GPC5: variants seen among roughly 807,000 people sequenced by gnomAD.
The protein encoded by GPC5 is glypican-5.
A neutral mutation model predicts 53.9 loss-of-function variants in GPC5; 47 were observed. The observed-to-expected ratio is 0.87, with a 90% CI of 0.69 to 1.11. GPC5 has a LOEUF of 1.11. Ranked by LOEUF, GPC5 falls within the 50% of genes most tolerant of loss-of-function variation. GPC5 has a pLI of 0.00. For missense variants in GPC5, 748 were observed against 713.1 expected, an observed-to-expected ratio of 1.05 and a Z score of -0.56; for synonymous variants, 286 against 263.3, an observed-to-expected ratio of 1.09 and a Z score of -0.84.
intron 7 of GPC5, among the ~76,000 whole-genome samples, chr13:92,529,586 A>G (rs1441688483): frequency 1.3e-5 from 2 of 152,120 alleles, no homozygotes; most frequent in African/African-American, 2.4e-5. Flanking sequence ...CTGGCAAGTA[A>G]CCTGCTATTT....
chr13:91,595,913 CT>C (rs1173739837), intron 2 of GPC5, among the ~76,000 whole-genome samples: 2 of 152,324 alleles, frequency 1.3e-5, no homozygotes, highest in African/African-American at 4.8e-5. Flanking sequence ...GACTGATTAT[CT>C]ATCTACTATT....
At chr13:92,421,194 G>A (rs931774112) in intron 7 of GPC5, among the ~76,000 whole-genome samples, 1 of 152,094 alleles carries the variant, frequency 6.6e-6, no homozygotes, top group Non-Finnish European at 1.5e-5. Flanking sequence ...TTTTCTAAAT[G>A]TAAGAGACAG....
chr13:92,447,679 T>C (rs912201967), intron 7 of GPC5: 4 of 152,158 alleles, frequency 2.6e-5, no homozygotes, highest in African/African-American at 9.6e-5. Context: ...GTAATTCCAC[T>C]TATTATTACC....
chr13:91,699,369 G>A (rs905420553), intron 3 of GPC5, among the ~76,000 whole-genome samples: 7 of 152,166 alleles, frequency 4.6e-5, no homozygotes, highest in Admixed American at 2.6e-4. Context: ...CCTCATAGAC[G>A]AAGCCCATGG....
At chr13:91,585,748 A>T (rs1002089539) in intron 2 of GPC5, among the ~76,000 whole-genome samples, 1 of 152,132 alleles carries the variant, frequency 6.6e-6, no homozygotes, top group Non-Finnish European at 1.5e-5. Flanking sequence ...TGCTTTTAAA[A>T]ATTAGAATAT....
At chr13:91,625,786 A>G (rs2033983127) in intron 2 of GPC5, among the ~76,000 whole-genome samples, 1 of 152,116 alleles carries the variant, frequency 6.6e-6, no homozygotes, top group Non-Finnish European at 1.5e-5. Flanking sequence ...TCCTTTATAT[A>G]TAGATAAATA....
chr13:91,650,290 T>A (rs774531787), intron 2 of GPC5, among the ~76,000 whole-genome samples: 6 of 152,188 alleles, frequency 3.9e-5, no homozygotes, highest in African/African-American at 2.4e-5. Context: ...CTCACTTGTG[T>A]CCATGTCTCC....
At chr13:91,565,253 G>A (rs2031477625) in intron 2 of GPC5, among the ~76,000 whole-genome samples, 1 of 152,090 alleles carries the variant, frequency 6.6e-6, no homozygotes, top group Non-Finnish European at 1.5e-5. Flanking sequence ...GCCTCCCAAA[G>A]TGTTGGGATT....
intron 7 of GPC5, among the ~76,000 whole-genome samples, chr13:92,385,539 T>TGCATATAC (rs1428614571): frequency 8.1e-6 from 1 of 124,144 alleles, no homozygotes; most frequent in Non-Finnish European, 1.7e-5. Flanking sequence ...TATACATATA[T>TGCATATAC]GCATATATAC....
At chr13:91,777,992 A>G (rs1338117934) in intron 5 of GPC5, among the ~76,000 whole-genome samples, 2 of 152,050 alleles carry the variant, frequency 1.3e-5, no homozygotes, top group Admixed American at 6.6e-5. Context: ...CCCTCACAGC[A>G]CTTCCGGAAG....
At chr13:92,219,870 C>G (rs2042436569) in intron 7 of GPC5, among the ~76,000 whole-genome samples, 1 of 152,076 alleles carries the variant, frequency 6.6e-6, no homozygotes, top group Non-Finnish European at 1.5e-5. Flanking sequence ...TTTTAAACCC[C>G]AGAAAATCTG....
intron 5 of GPC5, among the ~76,000 whole-genome samples, chr13:91,864,302 A>T (rs1317769733): frequency 3.3e-5 from 5 of 152,204 alleles, no homozygotes; most frequent in Non-Finnish European, 7.3e-5. Context: ...TTATTGATAA[A>T]TTCACATGTA....
At chr13:92,712,954 A>G (rs1040562608) in intron 7 of GPC5, among the ~76,000 whole-genome samples, 1 of 152,058 alleles carries the variant, frequency 6.6e-6, no homozygotes, top group African/African-American at 2.4e-5. Flanking sequence ...CCCTGCCAAT[A>G]CCTTGATTTT....
rs373241995 is a variant in GPC5, at chr13:91,756,273, T to C, written c.1155-22T>C. ...TATTGTGGATGTTTGGTTTTAATTG[T>C]TTTCTTTCTTCTTTCATTTAGAGAA... is the stretch of plus-strand genomic sequence containing the variant. On this transcript the variant is annotated intron_variant, in intron 4 of 7. Transcript: ENST00000377067. 24 of 1,469,854 alleles carry C rather than the reference T, an allele frequency of 1.6e-5. No individual in the cohort carries two copies. The Middle Eastern group carries it at 9.3e-4, about 57-fold the overall frequency. The allele number at this position is 1,469,854 out of a possible 1,614,324, so 91.1% of individuals were successfully genotyped here. A position where few individuals can be genotyped will look rare whatever the true frequency, so the allele number is the denominator to read the frequency against.
rs546089167 is a variant in GPC5 at position 91,790,222 on chromosome 13, C to T, written c.1280+33802C>T. 2.0e-5 allele frequency among the ~76,000 whole-genome samples: 3 copies of T among 152,228 alleles called. No individual in the cohort carries two copies. In the South Asian group the frequency reaches 6.2e-4, roughly 32 times the overall value. ...TCATTGTGGTTTAATTTTCATTTCT[C>T]AGATTGTTAGTTATGTTGAAGATTT... is the stretch of plus-strand genomic sequence containing the variant. On this transcript the variant is annotated intron_variant, in intron 5 of 7. Transcript: ENST00000377067.
In GPC5 at chr13:92,118,054, T is replaced by G. The variant is rs151007091; in HGVS notation, c.1402-26776T>G. Among the ~76,000 whole-genome samples, 759 of 152,292 alleles carry G rather than the reference T, an allele frequency of 5.0e-3. 7 individuals carry two copies. Among genetic ancestry groups the G allele is most frequent in the African/African-American group, 0.018 (735 of 41,570 alleles). On this transcript the variant is annotated intron_variant, in intron 6 of 7. Transcript: ENST00000377067. ...TTTGAAATTAATCAGAGAGTCGCCA[T>G]TAAGTGTAATTTAGTGGCAGTTTTG...
intron 7 of GPC5, among the ~76,000 whole-genome samples, chr13:92,774,061 A>G (rs1234323698): frequency 6.6e-6 from 1 of 152,222 alleles, no homozygotes; most frequent in Non-Finnish European, 1.5e-5. Flanking sequence ...GCATGATTCA[A>G]TTACCTCCCA....
intron 5 of GPC5, among the ~76,000 whole-genome samples, chr13:91,810,109 GT>G (rs1454677276): frequency 1.3e-5 from 2 of 151,808 alleles, no homozygotes; most frequent in Non-Finnish European, 1.5e-5. Flanking sequence ...AGAGAATTCA[GT>G]AAATAAAAAC....
intron 2 of GPC5, among the ~76,000 whole-genome samples, chr13:91,638,023 G>T (rs1468413127): frequency 6.6e-6 from 1 of 152,178 alleles, no homozygotes; most frequent in Non-Finnish European, 1.5e-5. Context: ...GAATCAACAG[G>T]CAGAGAGAAA....
Sources: allele counts gnomAD v4.1 joint callset (sites outside exome capture counted in the v4.1 genomes callset), GRCh38; gene constraint gnomAD v4.1.1; transcripts MANE v1.5; gene names NCBI Gene and HGNC (gene_info 2026-07-23, HGNC 2026-07-21).